The following CFAP54 variants were observed in gnomAD, a reference collection of about 807,000 sequenced individuals.
CFAP54 encodes cilia and flagella associated protein 54.
CFAP54 carries 290 observed loss-of-function variants against 370.4 expected under a neutral mutation model. The observed-to-expected ratio is 0.78, with a 90% confidence interval of 0.71 to 0.86. The LOEUF (loss-of-function observed/expected upper bound fraction) is 0.86, where lower values mean the gene tolerates loss of function less well. Among genes scored for constraint, CFAP54 ranks in the 40% least tolerant of loss-of-function variants. The pLI, the probability that CFAP54 is intolerant of heterozygous loss-of-function variation, is 0.00. For missense variants in CFAP54, 3,399 were observed against 3,528.7 expected (o/e 0.96, Z 0.93); for synonymous variants, 1,206 against 1,236.5 (o/e 0.98, Z 0.52).
At chr12:96,644,441 T>G (rs1956768108) in intron 33 of CFAP54, 33 bp downstream of exon 33, 1 of 1,393,100 alleles carries the variant, frequency 7.2e-7, no homozygotes, top group Non-Finnish European at 9.8e-7. Context: ...AATACTTTTT[T>G]AGTTTCATGA....
rs35808224 is a variant in CFAP54 at position 96,503,239 on chromosome 12, TTCTC to T, written c.424-637_424-634del. ...CTTTCCTTTTTTTTCCTTCCTTTCT[TTCTC>T]TCTCTCTCTTTCACTTCCTTTCTTC... On this transcript the variant is annotated intron_variant, in intron 2 of 67. Transcript: ENST00000524981. Among the ~76,000 whole-genome samples, 26 of 143,954 alleles carry T rather than the reference TTCTC, an allele frequency of 1.8e-4. No individual in the cohort carries two copies. In the East Asian group the frequency reaches 3.4e-3, roughly 19 times the overall value. 94.4% of individuals were successfully genotyped at this position (143,954 alleles called of 152,430 possible). A position where few individuals can be genotyped will look rare whatever the true frequency, so the allele number is the denominator to read the frequency against.
At chr12:96,564,960 CTTTTT>C (rs1955852173) in intron 19 of CFAP54, 195 bp downstream of exon 19, 1 of 329,724 alleles carries the variant, frequency 3.0e-6, no homozygotes, top group Non-Finnish European at 5.4e-6. Flanking sequence ...GAGAGATTCT[CTTTTT>C]ATCAGAACTT....
intron 39 of CFAP54, among the ~76,000 whole-genome samples, chr12:96,666,002 T>C (rs1957075575): frequency 6.6e-6 from 1 of 152,224 alleles, no homozygotes; most frequent in Non-Finnish European, 1.5e-5. Flanking sequence ...CTTTGAGCAG[T>C]GGTTTGTGGT....
intron 17 of CFAP54, among the ~76,000 whole-genome samples, chr12:96,562,601 A>AT (rs750808124): frequency 5.5e-4 from 82 of 150,028 alleles, no homozygotes; most frequent in Admixed American, 1.1e-3. Flanking sequence ...TAATTTTTGT[A>AT]TTTTTTTTAG....
intron 50 of CFAP54, among the ~76,000 whole-genome samples, chr12:96,725,053 C>T (rs371980487): frequency 1.3e-5 from 2 of 152,122 alleles, no homozygotes; most frequent in African/African-American, 4.8e-5. Flanking sequence ...TTTGGTACCA[C>T]TACCATGCTG....
At chr12:96,783,493 C>T (rs778359392) in intron 60 of CFAP54, among the ~76,000 whole-genome samples, 34 of 152,204 alleles carry the variant, frequency 2.2e-4, no homozygotes, top group Non-Finnish European at 3.2e-4. Flanking sequence ...TTCAAACTTA[C>T]ATAAATGGTA....
In CFAP54 at chr12:96,630,643, AC is replaced by A; in HGVS notation, c.4309del (p.His1437MetfsTer17). ...ATCCGGCTATTTCTGAAATGGTGGC[AC>A]ATGAAAGGTATTCACTAATTAATTA... Reference protein sequence around the residue: ...KNPAISEMVAHERNRRTSVRK... With the variant: ...KNPAISEMVAXERNRRTSVRK... On this transcript the variant is annotated frameshift_variant, in exon 32 of 68. Transcript: ENST00000524981. LOFTEE classifies it high-confidence loss of function. 6.7e-7 allele frequency: 1 copy of A among 1,483,544 alleles called. No homozygotes were observed. The highest frequency in any genetic ancestry group is 8.9e-7 in the Non-Finnish European group (1 of 1,120,718). 91.9% of individuals were successfully genotyped at this position (1,483,544 alleles called of 1,614,324 possible). A position where few individuals can be genotyped will look rare whatever the true frequency, so the allele number is the denominator to read the frequency against.
intron 63 of CFAP54, among the ~76,000 whole-genome samples, chr12:96,799,671 C>T (rs1421060998): frequency 6.6e-6 from 1 of 152,178 alleles, no homozygotes; most frequent in Non-Finnish European, 1.5e-5. Context: ...CATGCTATTT[C>T]ACATATTTTA....
In CFAP54 at chr12:96,568,214, C is replaced by CT. The variant is rs1352159753; in HGVS notation, c.2619+3456dup. On this transcript the variant is annotated intron_variant, in intron 19 of 67. Transcript: ENST00000524981. ...TCTTTTTTCAGAGATCTTCTCAGCT[C>CT]TTTTTTTGTTTTCTTTTTTAAAAAA... Among the ~76,000 whole-genome samples, 3 of 148,394 alleles carry CT rather than the reference C, an allele frequency of 2.0e-5. No homozygotes were observed. In the South Asian group the frequency reaches 6.4e-4, roughly 32 times the overall value.
intron 48 of CFAP54, among the ~76,000 whole-genome samples, chr12:96,710,281 A>G (rs1446617657): frequency 1.3e-5 from 2 of 152,210 alleles, no homozygotes; most frequent in African/African-American, 4.8e-5. Context: ...GGAGAAGGGA[A>G]CACAGGAGAG....
chr12:96,741,707 C>G (rs147830260), intron 51 of CFAP54, among the ~76,000 whole-genome samples: 55 of 152,318 alleles, frequency 3.6e-4, no homozygotes, highest in African/African-American at 1.2e-3. Context: ...AAATAGCTTT[C>G]TTTGCACATC....
Position 96,489,879 on chromosome 12 carries a change from G to T in CFAP54, c.270G>T (p.Lys90Asn), listed in dbSNP as rs553221804. The change falls in exon 1 of 68, where the codon AAG becomes AAT. Residue 90 changes from lysine to asparagine, a missense_variant. Physicochemically the swap from Lys to Asn is moderately conservative, Grantham distance 94. Transcript: ENST00000524981. ...TGTTAGGCTTTATGAGGAAAAAGAA[G>T]GCTTTAGCCACCACGGAGGAAGAGA... ...QELLGFMRKKKALATTEEEKH... is the reference protein window; with the variant it reads ...QELLGFMRKKNALATTEEEKH... 1.3e-6 allele frequency: 2 copies of T among 1,535,278 alleles called. No homozygotes were observed. Among genetic ancestry groups the T allele is most frequent in the South Asian group, 2.4e-5 (2 of 84,054 alleles).
chr12:96,792,683 A>AGGCTGATCATTTTTCTTTTTCCTGATCCC (rs1958715271), intron 63 of CFAP54, among the ~76,000 whole-genome samples, 184 bp downstream of exon 63: 1 of 152,180 alleles, frequency 6.6e-6, no homozygotes, highest in Non-Finnish European at 1.5e-5. Flanking sequence ...AGTCTGATTC[A>AGGCTGATCATTTTTCTTTTTCCTGATCCC]GGCTGATCAT....
In CFAP54 at chr12:96,619,385, AT is replaced by A. The variant is rs1422760189; in HGVS notation, c.3640-2203del. On this transcript the variant is annotated intron_variant, in intron 26 of 67. Coordinates refer to ENST00000524981, the MANE Select transcript of CFAP54 (RefSeq NM_001306084.2). ...TTTCTCTTAGGACATGTAAAACCTG[AT>A]TAGTCAAATGGCTCTGTTTCTTTTC... 2.0e-5 allele frequency among the ~76,000 whole-genome samples: 3 copies of A among 152,256 alleles called. No individual in the cohort carries two copies. In the East Asian group the frequency reaches 5.8e-4, roughly 29 times the overall value.
chr12:96,664,713 ATC>A (rs1482235231), intron 39 of CFAP54, among the ~76,000 whole-genome samples: 3,244 of 25,992 alleles, frequency 0.12, 169 homozygotes, highest in East Asian at 0.37. Flanking sequence ...ATATATATAT[ATC>A]TATATATATC....
intron 8 of CFAP54, among the ~76,000 whole-genome samples, chr12:96,523,248 A>G (rs1042752904): frequency 6.6e-6 from 1 of 152,170 alleles, no homozygotes; most frequent in Non-Finnish European, 1.5e-5. Flanking sequence ...CAGTCCTTTT[A>G]TATTACAGTT....
chr12:96,626,213 G>A (rs546105471), intron 29 of CFAP54, among the ~76,000 whole-genome samples: 2 of 151,888 alleles, frequency 1.3e-5, no homozygotes, highest in Non-Finnish European at 2.9e-5. Context: ...GTGAAGCCCC[G>A]TCTCTACTAA....
Position 96,753,724 on chromosome 12 carries a change from C to T in CFAP54, c.7685-19C>T, listed in dbSNP as rs373335577. ...CGTGTATTTTTTTGTTCTTCCCCAC[C>T]GAACTGTTTTTCTTTTAGGACATAC... On this transcript the variant is annotated intron_variant, in intron 55 of 67. Coordinates refer to ENST00000524981, the MANE Select transcript of CFAP54 (RefSeq NM_001306084.2). The T allele has an allele frequency of 7.8e-5, 126 of 1,607,554 alleles. No homozygotes were observed. The highest frequency in any genetic ancestry group is 8.9e-5 in the Non-Finnish European group (105 of 1,175,952).
intron 65 of CFAP54, among the ~76,000 whole-genome samples, chr12:96,824,855 A>G (rs1006930880): frequency 1.3e-5 from 2 of 152,086 alleles, no homozygotes; most frequent in African/African-American, 2.4e-5. Flanking sequence ...GTCCTGCTCT[A>G]TTCTCTATAC....
Sources: allele counts gnomAD v4.1 joint callset (sites outside exome capture counted in the v4.1 genomes callset), GRCh38; gene constraint gnomAD v4.1.1; transcripts MANE v1.5; gene names NCBI Gene and HGNC (gene_info 2026-07-23, HGNC 2026-07-21).